The following PRPF6 variants were observed in gnomAD, a reference collection of about 807,000 sequenced individuals.
The protein encoded by PRPF6 is pre-mRNA-processing factor 6.
Under a neutral mutation model 118.3 loss-of-function variants are expected in PRPF6, and 42 were observed. The ratio of observed to expected loss-of-function variants is 0.35; its 90% CI spans 0.28 to 0.46. PRPF6 has a LOEUF of 0.46. Among genes scored for constraint, PRPF6 ranks in the 20% least tolerant of loss-of-function variants. The pLI is 1.00. For synonymous variants in PRPF6, 481 were observed against 485.1 expected (o/e 0.99, Z 0.11); for missense variants, 662 against 1,255.7 (o/e 0.53, Z 7.15).
chr20:64,005,509 T>C (rs1376511037), intron 9 of PRPF6, among the ~76,000 whole-genome samples: 14 of 152,110 alleles, frequency 9.2e-5, no homozygotes, highest in Admixed American at 9.2e-4. Flanking sequence ...GTTAGGACTT[T>C]CCTTCTTTAC....
At chr20:64,030,435 C>A (rs1416813318) in intron 19 of PRPF6, among the ~76,000 whole-genome samples, 1 of 152,212 alleles carries the variant, frequency 6.6e-6, no homozygotes, top group African/African-American at 2.4e-5. Flanking sequence ...CATCCCTTCT[C>A]CCCAGCACTG....
At chr20:64,024,842 G>C (rs1015468313) in intron 14 of PRPF6, 149 bp downstream of exon 14, 189 of 1,198,170 alleles carry the variant, frequency 1.6e-4, no homozygotes, top group Admixed American at 2.3e-4. Context: ...ACAGGAGCAG[G>C]GGCCGTGAAG....
At chr20:64,022,448 C>T (rs947654104) in intron 12 of PRPF6, among the ~76,000 whole-genome samples, 5 of 152,184 alleles carry the variant, frequency 3.3e-5, no homozygotes, top group African/African-American at 1.2e-4. Context: ...GCCGGGATTA[C>T]AGGCGCATGC....
chr20:64,023,720 C>T (rs1274396190), intron 13 of PRPF6, among the ~76,000 whole-genome samples: 1 of 152,170 alleles, frequency 6.6e-6, no homozygotes, highest in Non-Finnish European at 1.5e-5. Flanking sequence ...CCATGGTGCC[C>T]CTCTGTAGAA....
intron 7 of PRPF6, 124 bp from the exon 8 acceptor site, chr20:63,999,479 G>A (rs780640754): frequency 5.4e-5 from 73 of 1,344,184 alleles, no homozygotes; most frequent in Non-Finnish European, 7.7e-5. Flanking sequence ...GTTGGTTTTT[G>A]TAACTCAGGA....
At chr20:63,981,652 C>A (rs181405610) in intron 1 of PRPF6, among the ~76,000 whole-genome samples, 3 of 143,808 alleles carry the variant, frequency 2.1e-5, no homozygotes, top group African/African-American at 2.6e-5. Flanking sequence ...CTCCCCCCCC[C>A]CGCCCGCCCG....
chr20:63,983,997 A>G (rs2059082871), intron 2 of PRPF6, among the ~76,000 whole-genome samples: 1 of 152,014 alleles, frequency 6.6e-6, no homozygotes, highest in Non-Finnish European at 1.5e-5. Flanking sequence ...TGGTGATAGT[A>G]TTTGCTTTTT....
chr20:64,024,988 A>T (rs886429685), intron 14 of PRPF6, among the ~76,000 whole-genome samples: 11 of 151,950 alleles, frequency 7.2e-5, no homozygotes, highest in Admixed American at 7.2e-4. Context: ...ATGTGAATGG[A>T]TGTATTCAGA....
At chr20:64,010,386 T>A in intron 10 of PRPF6, 68 bp downstream of exon 10, 1 of 1,255,812 alleles carries the variant, frequency 8.0e-7, no homozygotes, top group Non-Finnish European at 1.2e-6. Context: ...GTTCAGTGTC[T>A]GGAAGTGATG....
Position 64,011,521 on chromosome 20 carries a change from G to A in PRPF6, c.1524+18G>A. ...GGATCCAGGTGGGCCGCAGGCGGGT[G>A]TCGTGGTGTCTGCTTTAACAGTGCA... On this transcript the variant is annotated intron_variant, in intron 11 of 20. Transcript: ENST00000266079. This position sits in a 1 kb window ranked among gnomAD's most constrained non-coding sequence, Gnocchi z 6.7. The A allele has an allele frequency of 1.4e-5, 23 of 1,604,484 alleles. No homozygotes were observed. The highest frequency in any genetic ancestry group is 2.0e-5 in the Non-Finnish European group (23 of 1,176,240).
rs764139822 is a variant in PRPF6 at position 63,983,203 on chromosome 20, C to T, written c.228C>T (p.Thr76=). ...ATGACGACGAGGATCTAAATGACAC[C>T]AATTACGATGAGGTGAGATGTGTCC... ...ADDDDEDLND[T]NYDEFNGYAG... The change falls in exon 2 of 21, where the codon ACC becomes ACT. Residue 76 remains threonine, a synonymous_variant. Transcript: ENST00000266079. The T allele has an allele frequency of 6.8e-6, 11 of 1,614,166 alleles. No homozygotes were observed. The South Asian group carries it at 1.2e-4, about 18-fold the overall frequency.
rs760414482 is a variant in PRPF6 at position 64,011,071 on chromosome 20, T to G, written c.1306-214T>G. Among the ~76,000 whole-genome samples the G allele has an allele frequency of 2.0e-5, 3 of 152,188 alleles. No individual in the cohort carries two copies. The highest frequency in any genetic ancestry group is 4.4e-5 in the Non-Finnish European group (3 of 68,024). The stretch of plus-strand genomic sequence containing the variant: ...GAACATTCAACTGAGAATCTTTTGA[T>G]GCTCACGAGAGTCACTAAATGAGTC... On this transcript the variant is annotated intron_variant, in intron 10 of 20. Transcript: ENST00000266079. The surrounding 1 kb of genome is among the most constrained non-coding windows in gnomAD (Gnocchi z 6.7).
At chr20:63,999,009 A>G (rs1179929215) in intron 6 of PRPF6, 36 bp from the exon 7 acceptor site, 1 of 1,544,340 alleles carries the variant, frequency 6.5e-7, no homozygotes, top group East Asian at 2.2e-5. Context: ...GCACCTGGTC[A>G]TGTCCAGCTG....
At chr20:63,998,570 G>A (rs957003856) in intron 6 of PRPF6, among the ~76,000 whole-genome samples, 4 of 150,184 alleles carry the variant, frequency 2.7e-5, no homozygotes, top group South Asian at 2.1e-4. Flanking sequence ...GGACAGACGC[G>A]GTGGCTCACG....
At chr20:64,021,775 C>T (rs1601529900) in intron 12 of PRPF6, among the ~76,000 whole-genome samples, 1 of 143,224 alleles carries the variant, frequency 7.0e-6, no homozygotes, top group African/African-American at 2.7e-5. Context: ...CGGCCACAGC[C>T]CTGTGTGTGT....
intron 11 of PRPF6, among the ~76,000 whole-genome samples, chr20:64,013,584 C>T (rs2059224801): frequency 6.6e-6 from 1 of 152,148 alleles, no homozygotes. Flanking sequence ...GCTGGGACTA[C>T]AGGCGTGTGC....
At chr20:64,004,930 G>A (rs1050434175) in intron 9 of PRPF6, among the ~76,000 whole-genome samples, 7 of 152,230 alleles carry the variant, frequency 4.6e-5, no homozygotes, top group Non-Finnish European at 8.8e-5. Context: ...CGTCGCCAGC[G>A]TGTCCCTCTG....
intron 2 of PRPF6, among the ~76,000 whole-genome samples, chr20:63,983,825 G>A (rs2059082076): frequency 6.6e-6 from 1 of 151,918 alleles, no homozygotes; most frequent in Non-Finnish European, 1.5e-5. Flanking sequence ...GGCTAATTTT[G>A]TATTTTTAGT....
intron 12 of PRPF6, 34 bp from the exon 13 acceptor site, chr20:64,022,722 TG>T: frequency 6.2e-7 from 1 of 1,613,810 alleles, no homozygotes; most frequent in Non-Finnish European, 8.5e-7. Context: ...TGGCCAGTGC[TG>T]GGCTGCCCAT....
Sources: gnomAD v4.1 joint callset for allele counts (sites outside exome capture counted in the v4.1 genomes callset) on GRCh38, gnomAD v4.1.1 for gene constraint, Gnocchi (gnomAD v3.1) non-coding constraint, MANE v1.5 for transcripts, NCBI Gene and HGNC (gene_info 2026-07-23, HGNC 2026-07-21) for gene names.